The following CACNA2D2 variants were observed in gnomAD, a reference collection of about 807,000 sequenced individuals.
CACNA2D2 encodes the protein calcium voltage-gated channel auxiliary subunit alpha2delta 2, also known as voltage-dependent calcium channel subunit alpha-2/delta-2.
A neutral mutation model predicts 166.4 loss-of-function variants in CACNA2D2; 48 were observed. That is an observed-to-expected ratio of 0.29 (90% confidence interval 0.23 to 0.37). The LOEUF (loss-of-function observed/expected upper bound fraction) is 0.37, where lower values mean the gene tolerates loss of function less well. CACNA2D2 is among the 10% of genes least tolerant of loss of function. CACNA2D2 has a pLI of 1.00. For synonymous variants in CACNA2D2, 561 were observed against 573.7 expected (o/e 0.98, Z 0.32); for missense variants, 1,122 against 1,433.0 (o/e 0.78, Z 3.50).
intron 2 of CACNA2D2, among the ~76,000 whole-genome samples, chr3:50,450,573 C>T (rs995557543): frequency 6.6e-6 from 1 of 152,288 alleles, no homozygotes; most frequent in East Asian, 1.9e-4. Context: ...AAGAGAAAGG[C>T]GGAGGTGACA....
chr3:50,501,787 T>A (rs1340542720), intron 1 of CACNA2D2, among the ~76,000 whole-genome samples: 1 of 152,204 alleles, frequency 6.6e-6, no homozygotes, highest in Non-Finnish European at 1.5e-5. Flanking sequence ...TTTTAAGCAC[T>A]ATGATTGAAG....
chr3:50,426,635 G>A (rs1426415226), intron 3 of CACNA2D2, among the ~76,000 whole-genome samples: 5 of 152,138 alleles, frequency 3.3e-5, no homozygotes, highest in Non-Finnish European at 7.4e-5. Flanking sequence ...CAGCCCCCTA[G>A]ACCCTTATTT....
intron 3 of CACNA2D2, among the ~76,000 whole-genome samples, chr3:50,398,519 G>C (rs1330494866): frequency 6.6e-6 from 1 of 152,058 alleles, no homozygotes; most frequent in African/African-American, 2.4e-5. Context: ...TGAAAACTGG[G>C]TGTCTCTGGA....
intron 3 of CACNA2D2, among the ~76,000 whole-genome samples, chr3:50,408,594 G>C (rs947665197): frequency 6.6e-5 from 10 of 152,250 alleles, no homozygotes; most frequent in Admixed American, 2.0e-4. Flanking sequence ...TTATTACGAG[G>C]AGTAAAGGCG....
intron 1 of CACNA2D2, among the ~76,000 whole-genome samples, chr3:50,491,255 T>C (rs1476181168): frequency 6.6e-6 from 1 of 152,206 alleles, no homozygotes; most frequent in East Asian, 1.9e-4. Context: ...CACTGTCAGC[T>C]GCAGAAGGAT....
At chr3:50,473,418 A>C (rs1710181843) in intron 2 of CACNA2D2, among the ~76,000 whole-genome samples, 1 of 152,170 alleles carries the variant, frequency 6.6e-6, no homozygotes. Context: ...GCAGCCTTTG[A>C]GGGGAAGAAG....
intron 3 of CACNA2D2, among the ~76,000 whole-genome samples, chr3:50,409,178 T>C (rs1047722396): frequency 6.6e-6 from 1 of 152,186 alleles, no homozygotes; most frequent in African/African-American, 2.4e-5. Context: ...CCAGGCAGAC[T>C]GGCCACATTA....
At chr3:50,381,722 C>T (rs961625323) in intron 6 of CACNA2D2, among the ~76,000 whole-genome samples, 3 of 152,040 alleles carry the variant, frequency 2.0e-5, no homozygotes, top group African/African-American at 7.2e-5. Flanking sequence ...CTTGTACACG[C>T]ATGCGCACAC....
chr3:50,468,695 G>A (rs1366139333), intron 2 of CACNA2D2, among the ~76,000 whole-genome samples: 4 of 151,902 alleles, frequency 2.6e-5, no homozygotes. Context: ...AAGAACCCCC[G>A]ATCCTCAGCT....
rs926707544 is a variant in CACNA2D2, at chr3:50,377,757, G to A, written c.1526C>T (p.Thr509Ile). The stretch of plus-strand genomic sequence containing the variant: ...CTTCTTTTCCCCAGGGCCATCCTGT[G>A]TCAGGTTGAAAACAGGGAGGGTCCC... ...VTGTLPVFNL[T>I]QDGPGEKKNQ... The change falls in exon 16 of 38, where the codon ACA becomes ATA. Residue 509 changes from threonine to isoleucine, a missense_variant. Thr to Ile is a moderately conservative substitution (Grantham distance 89, BLOSUM62 -1). This residue lies in a region of CACNA2D2 where 840 missense variants were observed against 1,166.8 expected (regional missense o/e 0.72). Transcript: ENST00000424201. 1 of 1,613,270 alleles carries A rather than the reference G, an allele frequency of 6.2e-7. No individual in the cohort carries two copies. The highest frequency in any genetic ancestry group is 1.1e-5 in the South Asian group (1 of 90,950).
rs563136623 is a variant in CACNA2D2 at position 50,466,856 on chromosome 3, C to A, written c.288+9262G>T. 2.9e-4 allele frequency among the ~76,000 whole-genome samples: 44 copies of A among 152,360 alleles called. No individual in the cohort carries two copies. The South Asian group carries it at 7.5e-3, about 26-fold the overall frequency. On this transcript the variant is annotated intron_variant, in intron 2 of 37. Coordinates refer to ENST00000424201, the MANE Select transcript of CACNA2D2 (RefSeq NM_006030.4). ...GATTGGGCCTGCCAGAGATTCCTGA[C>A]AACCCCCATCTTCTGTCTGTACCCG...
rs577967213 is a variant in CACNA2D2 at position 50,456,733 on chromosome 3, G to A, written c.288+19385C>T. 1.3e-4 allele frequency among the ~76,000 whole-genome samples: 20 copies of A among 152,184 alleles called. No homozygotes were observed. The South Asian group carries it at 2.1e-3, about 16-fold the overall frequency. On this transcript the variant is annotated intron_variant, in intron 2 of 37. Coordinates refer to ENST00000424201, the MANE Select transcript of CACNA2D2 (RefSeq NM_006030.4). ...GCCTAACTGCCTGAACTAGGAACACGGATAGTGTCCTGTTCCACCGCCTGG... is the reference window on the plus strand; with the variant it reads ...GCCTAACTGCCTGAACTAGGAACACAGATAGTGTCCTGTTCCACCGCCTGG...
At chr3:50,439,005 T>C (rs1708472106) in intron 2 of CACNA2D2, among the ~76,000 whole-genome samples, 2 of 152,258 alleles carry the variant, frequency 1.3e-5, no homozygotes. Context: ...CATCTCCATG[T>C]GGCAGAGAGG....
In CACNA2D2 at chr3:50,503,302, G is replaced by C. The variant is rs1699062714; in HGVS notation, c.122C>G (p.Pro41Arg). ...PGTRRPTSGP[P>R]RPLWLLLPLL... ...CGGCAGCAGCAGCCACAGCGGGCGC[G>C]GGGGCCCGGACGTCGGGCGCCGGGT... is the stretch of plus-strand genomic sequence containing the variant. The change falls in exon 1 of 38, where the codon CCG (proline) becomes CGG (arginine). Residue 41 changes from proline to arginine, a missense_variant. Transcript: ENST00000424201. 4.2e-6 allele frequency: 4 copies of C among 960,240 alleles called. No homozygotes were observed. Among genetic ancestry groups the C allele is most frequent in the Non-Finnish European group, 2.7e-6 (2 of 754,054 alleles). The allele number at this position is 960,240 out of a possible 1,614,324, so 59.5% of individuals were successfully genotyped here. A position where few individuals can be genotyped will look rare whatever the true frequency, so the allele number is the denominator to read the frequency against.
At chr3:50,450,956 G>A (rs1406961452) in intron 2 of CACNA2D2, among the ~76,000 whole-genome samples, 1 of 152,174 alleles carries the variant, frequency 6.6e-6, no homozygotes, top group African/African-American at 2.4e-5. Context: ...GGGGCCCTTG[G>A]AAATGAGGAC....
chr3:50,448,041 G>A (rs1708930738), intron 2 of CACNA2D2, among the ~76,000 whole-genome samples: 1 of 152,116 alleles, frequency 6.6e-6, no homozygotes, highest in Non-Finnish European at 1.5e-5. Context: ...CTCCCCCAGG[G>A]CCTTGAGCCC....
At chr3:50,480,922 G>A (rs1575758272) in intron 1 of CACNA2D2, among the ~76,000 whole-genome samples, 2 of 66 alleles carry the variant, frequency 0.03, no homozygotes, top group Non-Finnish European at 0.083. Context: ...GAGGAAGGGG[G>A]AGGAAGGGGG....
chr3:50,414,330 G>A (rs947479607), intron 3 of CACNA2D2, among the ~76,000 whole-genome samples: 1 of 152,096 alleles, frequency 6.6e-6, no homozygotes, highest in African/African-American at 2.4e-5. Context: ...TTCACACAGG[G>A]AGAAAACCAC....
At chr3:50,476,271 C>CG (rs1321756535) in intron 1 of CACNA2D2, 72 bp from the exon 2 acceptor site, 11 of 1,256,794 alleles carry the variant, frequency 8.8e-6, no homozygotes, top group Non-Finnish European at 1.2e-5. Context: ...CCAGCCAACC[C>CG]GGGGGCACTG....
Sources: allele counts gnomAD v4.1 joint callset (sites outside exome capture counted in the v4.1 genomes callset), GRCh38; gene constraint gnomAD v4.1.1; regional missense constraint gnomAD v4.1.1; transcripts MANE v1.5; gene names NCBI Gene and HGNC (gene_info 2026-07-23, HGNC 2026-07-21).